The following SHISAL1 variants were observed in gnomAD, a reference collection of about 807,000 sequenced individuals.
SHISAL1 encodes protein shisa-like-1.
A neutral mutation model predicts 22.6 loss-of-function variants in SHISAL1; 9 were observed. That is an observed-to-expected ratio of 0.40 (90% confidence interval 0.24 to 0.70). The LOEUF (loss-of-function observed/expected upper bound fraction) is 0.70. Ranked by LOEUF, SHISAL1 falls within the 30% of genes least tolerant of loss-of-function variation. The pLI, the probability that SHISAL1 is intolerant of heterozygous loss-of-function variation, is 0.39. For missense variants in SHISAL1, 246 were observed against 270.6 expected (o/e 0.91, Z 0.64); for synonymous variants, 119 against 115.4 (o/e 1.03, Z -0.20).
At chr22:44,296,914 G>A (rs1187921176) in intron 2 of SHISAL1, 29 bp from the exon 3 acceptor site, 3 of 1,584,844 alleles carry the variant, frequency 1.9e-6, no homozygotes, top group Admixed American at 1.7e-5. Context: ...AGGCTCAGAG[G>A]GGTCCCTCAC....
At chr22:44,279,311 C>G (rs1176482861) in intron 4 of SHISAL1, among the ~76,000 whole-genome samples, 1 of 152,218 alleles carries the variant, frequency 6.6e-6, no homozygotes, top group Non-Finnish European at 1.5e-5. Flanking sequence ...CAACTCCATC[C>G]CCACTCAGGA....
intron 1 of SHISAL1, among the ~76,000 whole-genome samples, chr22:44,303,380 G>A (rs2055446693): frequency 6.6e-6 from 1 of 152,104 alleles, no homozygotes; most frequent in Non-Finnish European, 1.5e-5. Context: ...GGGTGAAGTA[G>A]GGTGGCTCCC....
At position 44,261,094 on chromosome 22, in the gene SHISAL1, T is replaced by G. The variant is rs1471272858; in HGVS notation, c.*-11409A>C. 7.5e-5 allele frequency among the ~76,000 whole-genome samples: 10 copies of G among 132,668 alleles called. 1 individual carries two copies. In the South Asian group the frequency reaches 2.3e-3, roughly 30 times the overall value. The allele number at this position is 132,668 out of a possible 152,430, so 87.0% of individuals were successfully genotyped here. ...TCATTACTTTATATATATATATATA[T>G]ATATACACTATATGGATTCTCTTGC... On this transcript the variant is annotated intron_variant, in intron 4 of 4. Coordinates refer to ENST00000381176, the MANE Select transcript of SHISAL1 (RefSeq NM_001099294.2).
the SHISAL1 span, among the ~76,000 whole-genome samples, chr22:44,327,746 G>C: frequency 2.0e-5 from 3 of 152,146 alleles, no homozygotes; most frequent in Non-Finnish European, 4.4e-5. Flanking sequence ...CCTGTGCAGA[G>C]TGAGACCAGC....
At chr22:44,304,652 G>A (rs2055457745) in intron 1 of SHISAL1, among the ~76,000 whole-genome samples, 1 of 152,204 alleles carries the variant, frequency 6.6e-6, no homozygotes, top group Non-Finnish European at 1.5e-5. Context: ...GCCCTCCTGG[G>A]AGGATAAGCC....
At position 44,310,543 on chromosome 22, in the gene SHISAL1, C is replaced by T. The variant is rs1365651653; in HGVS notation, c.-33+2208G>A. ...GCTTCCTCATCTGTGAAACGGGAGC[C>T]GTGCCCCACACCTTGCAGGTATACC... On this transcript the variant is annotated intron_variant, in intron 1 of 4. Coordinates refer to ENST00000381176, the MANE Select transcript of SHISAL1 (RefSeq NM_001099294.2). The surrounding 1 kb of genome is among the most constrained non-coding windows in gnomAD (Gnocchi z 4.0). Among the ~76,000 whole-genome samples the T allele has an allele frequency of 6.6e-6, 1 of 152,146 alleles. No individual in the cohort carries two copies. Among genetic ancestry groups the T allele is most frequent in the Admixed American group, 6.5e-5 (1 of 15,280 alleles).
intron 1 of SHISAL1, among the ~76,000 whole-genome samples, chr22:44,311,389 G>A (rs921413055): frequency 6.6e-6 from 1 of 152,190 alleles, no homozygotes; most frequent in African/African-American, 2.4e-5. Context: ...TCCCTCAGTG[G>A]ATAACCATTC....
chr22:44,267,286 A>G (rs1391921725), intron 4 of SHISAL1, among the ~76,000 whole-genome samples: 2 of 151,768 alleles, frequency 1.3e-5, no homozygotes, highest in Non-Finnish European at 2.9e-5. Context: ...GGGCATCTCA[A>G]ACTCAAAACA....
chr22:44,263,039 G>T (rs143808100), intron 4 of SHISAL1, among the ~76,000 whole-genome samples: 1 of 151,714 alleles, frequency 6.6e-6, no homozygotes, highest in Non-Finnish European at 1.5e-5. Flanking sequence ...TGCATGTGGG[G>T]TGTGGGGCTG....
At position 44,309,877 on chromosome 22, in the gene SHISAL1, C is replaced by T. The variant is rs557472818; in HGVS notation, c.-33+2874G>A. Among the ~76,000 whole-genome samples, 9 of 152,336 alleles carry T rather than the reference C, an allele frequency of 5.9e-5. No individual in the cohort carries two copies. The South Asian group carries it at 1.7e-3, about 28-fold the overall frequency. On this transcript the variant is annotated intron_variant, in intron 1 of 4. Transcript: ENST00000381176. The stretch of plus-strand genomic sequence containing the variant: ...GTGAAGTCCAGGAATAAACACTTCT[C>T]GAGGCTCCACGCCTGCATATGAAGT...
At chr22:44,293,452 C>T (rs1346615744) in intron 3 of SHISAL1, among the ~76,000 whole-genome samples, 2 of 152,158 alleles carry the variant, frequency 1.3e-5, no homozygotes, top group African/African-American at 2.4e-5. Context: ...TGGAGGCCAT[C>T]GGGATGCGAC....
chr22:44,319,860 C>T, the SHISAL1 span, among the ~76,000 whole-genome samples: 1 of 152,086 alleles, frequency 6.6e-6, no homozygotes, highest in African/African-American at 2.4e-5. Flanking sequence ...AGAAAGGGGT[C>T]GTCAGTGTGG....
At chr22:44,272,577 G>A (rs1245453518) in intron 4 of SHISAL1, among the ~76,000 whole-genome samples, 1 of 152,248 alleles carries the variant, frequency 6.6e-6, no homozygotes, top group African/African-American at 2.4e-5. Context: ...AGGGCTGGAG[G>A]CTTTGAAAGA....
At chr22:44,321,179 G>A in the SHISAL1 span, among the ~76,000 whole-genome samples, 2 of 152,088 alleles carry the variant, frequency 1.3e-5, no homozygotes, top group South Asian at 2.1e-4. Context: ...AGGTCCACAG[G>A]GTAATGTCCA....
intron 2 of SHISAL1, among the ~76,000 whole-genome samples, chr22:44,299,340 C>T (rs1408703025): frequency 1.3e-5 from 2 of 152,220 alleles, no homozygotes; most frequent in Admixed American, 1.3e-4. Context: ...ATCTGGATGG[C>T]CCTGATTCAC....
chr22:44,297,390 C>T (rs2147299552), intron 2 of SHISAL1, among the ~76,000 whole-genome samples: 1 of 152,344 alleles, frequency 6.6e-6, no homozygotes, highest in South Asian at 2.1e-4. Flanking sequence ...GCTCTTTGTT[C>T]CCAGGTGGGC....
In SHISAL1 at chr22:44,290,453, C is replaced by T. The variant is rs370768156; in HGVS notation, c.282-4708G>A. ...CTGAGGCAGGGGAATTGCTTTAACC[C>T]GGGAGGCGGAGGTTGTGGTGAGCTG... On this transcript the variant is annotated intron_variant, in intron 3 of 4. Transcript: ENST00000381176. Among the ~76,000 whole-genome samples the T allele has an allele frequency of 1.2e-4, 18 of 147,238 alleles. No homozygotes were observed. In the East Asian group the frequency reaches 2.7e-3, roughly 22 times the overall value.
chr22:44,252,349 T>C (rs912009498), intron 4 of SHISAL1, among the ~76,000 whole-genome samples: 2 of 152,080 alleles, frequency 1.3e-5, no homozygotes, highest in African/African-American at 4.8e-5. Flanking sequence ...CTTTTCACAG[T>C]AGGGAGAAAA....
chr22:44,294,539 T>C (rs939804736), intron 3 of SHISAL1, among the ~76,000 whole-genome samples: 9 of 152,148 alleles, frequency 5.9e-5, no homozygotes, highest in African/African-American at 2.2e-4. Flanking sequence ...ATTTGAAGGA[T>C]CACATTAAAA....
Sources: allele counts gnomAD v4.1 joint callset (sites outside exome capture counted in the v4.1 genomes callset), GRCh38; gene constraint gnomAD v4.1.1; non-coding constraint Gnocchi (gnomAD v3.1); transcripts MANE v1.5; gene names NCBI Gene and HGNC (gene_info 2026-07-23, HGNC 2026-07-21).